Variants in SLC2A5 observed in about 807,000 individuals in gnomAD.
The protein encoded by SLC2A5 is solute carrier family 2, facilitated glucose transporter member 5.
Under a neutral mutation model 50.3 loss-of-function variants are expected in SLC2A5, and 56 were observed. That is an observed-to-expected ratio of 1.11 (90% CI 0.90 to 1.39). The LOEUF (loss-of-function observed/expected upper bound fraction) is 1.39, where lower values mean the gene tolerates loss of function less well. SLC2A5 is among the 40% of genes most tolerant of loss of function. SLC2A5 has a pLI of 0.00. For synonymous variants in SLC2A5, 269 were observed against 281.9 expected (o/e 0.95, Z 0.46); for missense variants, 566 against 650.1 (o/e 0.87, Z 1.41).
intron 3 of SLC2A5, among the ~76,000 whole-genome samples, chr1:9,055,732 A>G (rs1250321231): frequency 1.3e-5 from 2 of 152,040 alleles, no homozygotes; most frequent in Middle Eastern, 3.4e-3. Flanking sequence ...CCTGGCCAAT[A>G]TGGTGAAACC....
chr1:9,063,717 C>T (rs1187473585), intron 1 of SLC2A5, among the ~76,000 whole-genome samples: 8 of 75,532 alleles, frequency 1.1e-4, no homozygotes, highest in African/African-American at 2.7e-4. Context: ...TTTTTTGAGA[C>T]GGAGTCTTCG....
Position 9,044,744 on chromosome 1 carries a change from C to T in SLC2A5, c.419-2807G>A, listed in dbSNP as rs150621411. 1.9e-3 allele frequency among the ~76,000 whole-genome samples: 282 copies of T among 151,988 alleles called. 3 individuals carry two copies. The highest frequency in any genetic ancestry group is 3.4e-3 in the Middle Eastern group (1 of 294). ...TAATTTTTGTATTTTTAGTAGAGAC[C>T]GAGTTTCACCATGTTGGCCAGGCTG... is the stretch of plus-strand genomic sequence containing the variant. On this transcript the variant is annotated intron_variant, in intron 4 of 11. Coordinates refer to ENST00000377424, the MANE Select transcript of SLC2A5 (RefSeq NM_003039.3).
At chr1:9,060,281 CAA>C (rs759003690) in intron 1 of SLC2A5, among the ~76,000 whole-genome samples, 70 of 129,654 alleles carry the variant, frequency 5.4e-4, no homozygotes, top group Non-Finnish European at 9.4e-4. Flanking sequence ...CACATGTACA[CAA>C]ACACTACACA....
At chr1:9,088,904 A>G (rs567723897), upstream of SLC2A5, among the ~76,000 whole-genome samples, 1 of 152,338 alleles carries the variant, frequency 6.6e-6, no homozygotes, top group East Asian at 1.9e-4. Flanking sequence ...CTTTTTCTCC[A>G]TCTCTGATTT....
intron 2 of SLC2A5, among the ~76,000 whole-genome samples, chr1:9,081,272 A>AC (rs1557685749): frequency 3.4e-5 from 5 of 145,508 alleles, no homozygotes; most frequent in African/African-American, 1.3e-4. Flanking sequence ...AAAAAAAAAA[A>AC]AAAAAAACCC....
chr1:9,081,468 T>TAAAAAAAAAAAAAAAAAAA (rs34557003), intron 2 of SLC2A5, among the ~76,000 whole-genome samples: 1 of 102,470 alleles, frequency 9.8e-6, no homozygotes. Flanking sequence ...CTCCTTCTCT[T>TAAAAAAAAAAAAAAAAAAA]AAAAAAAAAA....
chr1:9,044,033 G>A (rs927222236), intron 4 of SLC2A5, among the ~76,000 whole-genome samples: 8 of 151,022 alleles, frequency 5.3e-5, no homozygotes, highest in Non-Finnish European at 1.2e-4. Flanking sequence ...GGCTTTTGAA[G>A]TTTAAATTCC....
intron 4 of SLC2A5, among the ~76,000 whole-genome samples, chr1:9,046,964 G>A (rs2986633): frequency 0.046 from 7,052 of 151,830 alleles, 181 homozygotes; most frequent in Middle Eastern, 0.15. Context: ...GGTTTTATAA[G>A]GCAGTTTCCC....
At position 9,039,970 on chromosome 1, in the gene SLC2A5, C is replaced by T; in HGVS notation, c.715G>A (p.Gly239Ser). The change falls in exon 7 of 12, where the codon GGC becomes AGC. Residue 239 changes from glycine to serine, a missense_variant. Transcript: ENST00000377424. ...AAKKALQTLRGWDSVDREVAE... is the reference protein window; with the variant it reads ...AAKKALQTLRSWDSVDREVAE... ...ACCTCCCTGTCCACAGAGTCCCAGC[C>T]GCGCAGCGTCTGTAGGGCTGGGGAG... 6.2e-7 allele frequency: 1 copy of T among 1,611,754 alleles called. No homozygotes were observed. The highest frequency in any genetic ancestry group is 1.1e-5 in the South Asian group (1 of 90,918).
At chr1:9,070,473 C>A (rs1331372465), upstream of SLC2A5, among the ~76,000 whole-genome samples, 1 of 152,074 alleles carries the variant, frequency 6.6e-6, no homozygotes, top group Admixed American at 6.6e-5. Flanking sequence ...TACCTCGAAC[C>A]CCTTTCCAGG....
chr1:9,039,651 G>T lies in SLC2A5; in HGVS notation c.897C>A (p.Tyr299Ter). Residue 299 changes from tyrosine (Y) to a stop codon, truncating the protein, a stop_gained, in exon 8 of 12, where the codon TAC becomes TAA. Coordinates refer to ENST00000377424, the MANE Select transcript of SLC2A5 (RefSeq NM_003039.3). LOFTEE classifies it high-confidence loss of function. Reference protein sequence around the residue: ...QLSGVNAIYYYADQIYLSAGV... With the variant: ...QLSGVNAIYY ...CGGCGCTCAGGTAGATCTGGTCCGCGTAGTAGTAGATCTGCAAGGCAAGCG... is the reference window on the plus strand; with the variant it reads ...CGGCGCTCAGGTAGATCTGGTCCGCTTAGTAGTAGATCTGCAAGGCAAGCG... 1 of 1,548,376 alleles carries T rather than the reference G, an allele frequency of 6.5e-7. No homozygotes were observed. Among genetic ancestry groups the T allele is most frequent in the Non-Finnish European group, 8.7e-7 (1 of 1,147,178 alleles).
intron 4 of SLC2A5, among the ~76,000 whole-genome samples, chr1:9,043,251 G>T (rs939571199): frequency 6.6e-6 from 1 of 152,098 alleles, no homozygotes; most frequent in African/African-American, 2.4e-5. Flanking sequence ...TGTTGATGGC[G>T]GGGTATTTGA....
intron 5 of SLC2A5, chr1:9,041,346 C>T: frequency 1.5e-6 from 1 of 673,474 alleles, no homozygotes; most frequent in Non-Finnish European, 2.1e-6. Context: ...GCCACCCTCA[C>T]TCCTGGTACT....
rs6692445 is a variant in SLC2A5 at position 9,036,346 on chromosome 1, T to A, written c.*1240A>T. On this transcript the variant is annotated 3_prime_UTR_variant, in exon 12 of 12. Transcript: ENST00000377424. ...GTGTCACCATGCCCAATTAAAAAAA[T>A]TTTTTTTGAGATGGGATCTCACTGT... 0.21 allele frequency: 31,881 copies of A among 151,650 alleles called. 4,451 individuals are homozygous for A. Among genetic ancestry groups the A allele is most frequent in the East Asian group, 0.45 (2,324 of 5,132 alleles). 9.4% of individuals were successfully genotyped at this position (151,650 alleles called of 1,614,324 possible). A position where few individuals can be genotyped will look rare whatever the true frequency, so the allele number is the denominator to read the frequency against.
upstream of SLC2A5, among the ~76,000 whole-genome samples, chr1:9,070,556 C>G (rs554612948): frequency 6.6e-6 from 1 of 152,258 alleles, no homozygotes; most frequent in East Asian, 1.9e-4. Flanking sequence ...TGTCAGCCCC[C>G]CATGTTTGGC....
the SLC2A5 span, among the ~76,000 whole-genome samples, chr1:9,093,556 G>C: frequency 1.3e-5 from 2 of 152,172 alleles, no homozygotes; most frequent in Non-Finnish European, 2.9e-5. Context: ...ATCCTGATCA[G>C]CTCCTCACTA....
At chr1:9,039,406 G>A (rs1432812954) in intron 8 of SLC2A5, 146 bp downstream of exon 8, 1 of 611,512 alleles carries the variant, frequency 1.6e-6, no homozygotes, top group Non-Finnish European at 2.8e-6. Context: ...GCTGGTGCGG[G>A]GCCACCTCCC....
chr1:9,041,092 T>G (rs1368568079), intron 5 of SLC2A5: 6 of 304,420 alleles, frequency 2.0e-5, no homozygotes, highest in African/African-American at 8.6e-5. Context: ...CTACAGAGAG[T>G]GTCTAAGCAG....
At chr1:9,075,688 C>T (rs1642274243) in intron 2 of SLC2A5, among the ~76,000 whole-genome samples, 1 of 151,568 alleles carries the variant, frequency 6.6e-6, no homozygotes, top group African/African-American at 2.4e-5. Flanking sequence ...GAGACGAAGT[C>T]TCACTCTTGT....
Sources: gnomAD v4.1 joint callset for allele counts (sites outside exome capture counted in the v4.1 genomes callset) on GRCh38, gnomAD v4.1.1 for gene constraint, MANE v1.5 for transcripts, NCBI Gene and HGNC (gene_info 2026-07-23, HGNC 2026-07-21) for gene names.